ANKRD9: variants seen among roughly 807,000 people sequenced by gnomAD.
ANKRD9 encodes ankyrin repeat domain 9.
Under a neutral mutation model 19.2 loss-of-function variants are expected in ANKRD9, and 13 were observed. That is an observed-to-expected ratio of 0.68 (90% CI 0.44 to 1.08). The LOEUF (loss-of-function observed/expected upper bound fraction) is 1.08. Among genes scored for constraint, ANKRD9 ranks in the 50% least tolerant of loss-of-function variants. The pLI, the probability that ANKRD9 is intolerant of heterozygous loss-of-function variation, is 0.00. For missense variants in ANKRD9, 518 were observed against 499.9 expected, an observed-to-expected ratio of 1.04 and a Z score of -0.34; for synonymous variants, 278 against 256.8, an observed-to-expected ratio of 1.08 and a Z score of -0.79.
rs767115486 is a variant in ANKRD9, at chr14:102,507,861, C to T, written c.29G>A (p.Gly10Asp). The T allele has an allele frequency of 3.7e-5, 43 of 1,178,000 alleles. No homozygotes were observed. The African/African-American group carries it at 6.2e-4, about 17-fold the overall frequency. 73.0% of individuals were successfully genotyped at this position (1,178,000 alleles called of 1,614,324 possible). Residue 10 changes from glycine to aspartate, a missense_variant, in exon 4 of 4, where the codon GGT (glycine) becomes GAT (aspartate). Gly to Asp is a moderately conservative substitution (Grantham distance 94). Transcript: ENST00000286918. This position sits in a 1 kb window ranked among gnomAD's most constrained non-coding sequence, Gnocchi z 9.2. ...GGCCTCGGGCCCGCCGTCCGCGCCA[C>T]CCCCAGGCCGCCGCGCGTCCCACGG... is the stretch of plus-strand genomic sequence containing the variant. MPWDARRPG[G>D]GADGGPEASG...
chr14:102,506,665 TG>T lies in ANKRD9; in HGVS notation c.*270del. 5.2e-6 allele frequency: 2 copies of T among 381,782 alleles called. No homozygotes were observed. The highest frequency in any genetic ancestry group is 9.3e-5 in the Admixed American group (2 of 21,462). The allele number at this position is 381,782 out of a possible 1,614,324, so 23.6% of individuals were successfully genotyped here. On this transcript the variant is annotated 3_prime_UTR_variant, in exon 4 of 4. Transcript: ENST00000286918. Reference sequence around the variant, plus strand: ...CTGCGGCACTCAGCTGTCACCCATCTGGGACGCACACCTGTCCGAGGCTCTA... The same window carrying T: ...CTGCGGCACTCAGCTGTCACCCATCTGGACGCACACCTGTCCGAGGCTCTA...
rs1891492783 is a variant in ANKRD9 at position 102,503,249 on chromosome 14, T to C, written c.*3687A>G. ...TAAATACATAAATAAATAAATTACT[T>C]TTAAGAATCACCAATAGAAATCTGT... On this transcript the variant is annotated 3_prime_UTR_variant, in exon 4 of 4. Coordinates refer to ENST00000286918, the MANE Select transcript of ANKRD9 (RefSeq NM_152326.4). 2 of 151,580 alleles carry C rather than the reference T, an allele frequency of 1.3e-5. 1 individual carries two copies. The highest frequency in any genetic ancestry group is 4.2e-4 in the South Asian group (2 of 4,802). 9.4% of individuals were successfully genotyped at this position (151,580 alleles called of 1,614,324 possible).
chr14:102,504,359 CT>C lies in ANKRD9; in HGVS notation c.*2576del, dbSNP rs1424814889. 2.0e-5 allele frequency: 3 copies of C among 153,728 alleles called. 1 individual carries two copies. Among genetic ancestry groups the C allele is most frequent in the Non-Finnish European group, 4.4e-5 (3 of 68,072 alleles). 9.5% of individuals were successfully genotyped at this position (153,728 alleles called of 1,614,324 possible). On this transcript the variant is annotated 3_prime_UTR_variant, in exon 4 of 4. Coordinates refer to ENST00000286918, the MANE Select transcript of ANKRD9 (RefSeq NM_152326.4). ...GTTTTGTTCTGCGTGGAGCGATTGCCTTTGGGAAGCCACCAAGGCCACCTGC... is the reference window on the plus strand; with the variant it reads ...GTTTTGTTCTGCGTGGAGCGATTGCCTTGGGAAGCCACCAAGGCCACCTGC...
chr14:102,503,138 A>C lies in ANKRD9; in HGVS notation c.*3798T>G. The C allele has an allele frequency of 6.6e-6, 1 of 151,642 alleles. No homozygotes were observed. The highest frequency in any genetic ancestry group is 1.5e-5 in the Non-Finnish European group (1 of 67,916). 9.4% of individuals were successfully genotyped at this position (151,642 alleles called of 1,614,324 possible). On this transcript the variant is annotated 3_prime_UTR_variant, in exon 4 of 4. Transcript: ENST00000286918. ...TGAGGCAGGAGAATCGCTTGAACCC[A>C]GGAGGCGGAAGTTACAGTGAGCTGA... is the stretch of plus-strand genomic sequence containing the variant.
In ANKRD9 at chr14:102,508,124, C is replaced by T. The variant is rs552363485; in HGVS notation, c.-53-182G>A. 5.9e-5 allele frequency among the ~76,000 whole-genome samples: 9 copies of T among 152,292 alleles called. No individual in the cohort carries two copies. The South Asian group carries it at 1.9e-3, about 32-fold the overall frequency. ...TCTCTCCGACGCCCAGAACCACCGC[C>T]TCCATCCTTGATCTAGCTGTACCTG... On this transcript the variant is annotated intron_variant, in intron 3 of 3. Coordinates refer to ENST00000286918, the MANE Select transcript of ANKRD9 (RefSeq NM_152326.4). This position sits in a 1 kb window ranked among gnomAD's most constrained non-coding sequence, Gnocchi z 6.2.
rs542988743 is a variant in ANKRD9 at position 102,502,581 on chromosome 14, G to A, written c.*4355C>T. ...AAAATCATATTTACAAAGTACAATG[G>A]GGGAAATGCTTATACTACATTAAGG... On this transcript the variant is annotated 3_prime_UTR_variant, in exon 4 of 4. Coordinates refer to ENST00000286918, the MANE Select transcript of ANKRD9 (RefSeq NM_152326.4). The A allele has an allele frequency of 6.6e-6, 1 of 152,488 alleles. No individual in the cohort carries two copies. The highest frequency in any genetic ancestry group is 2.4e-5 in the African/African-American group (1 of 41,510). The allele number at this position is 152,488 out of a possible 1,614,324, so 9.4% of individuals were successfully genotyped here.
In ANKRD9 at chr14:102,507,015, G is replaced by T; in HGVS notation, c.875C>A (p.Pro292Gln). The T allele has an allele frequency of 6.3e-7, 1 of 1,584,586 alleles. No individual in the cohort carries two copies. Residue 292 changes from proline (P) to glutamine (Q), a missense_variant, in exon 4 of 4, where the codon CCA (proline) becomes CAA (glutamine). Coordinates refer to ENST00000286918, the MANE Select transcript of ANKRD9 (RefSeq NM_152326.4). The surrounding 1 kb of genome is among the most constrained non-coding windows in gnomAD (Gnocchi z 9.2). ...AMQVLVTAISPGRFPEALDEL... is the reference protein window; with the variant it reads ...AMQVLVTAISQGRFPEALDEL... ...GTCCAGGGCCTCGGGGAAGCGGCCT[G>T]GAGAGATGGCGGTGACCAGCACCTG...
Position 102,507,405 on chromosome 14 carries a change from G to A in ANKRD9, c.485C>T (p.Ser162Leu). ...CGCCAGCTCACAGGCCACGTGCAGC[G>A]ACGTGCCACCGCCCTCCACGCGGCT... ...GCSRVEGGGT[S>L]LHVACELARP... Residue 162 changes from serine (S) to leucine (L), a missense_variant, in exon 4 of 4, where the codon TCG (serine) becomes TTG (leucine). Coordinates refer to ENST00000286918, the MANE Select transcript of ANKRD9 (RefSeq NM_152326.4). This position sits in a 1 kb window ranked among gnomAD's most constrained non-coding sequence, Gnocchi z 9.2. 7.4e-7 allele frequency: 1 copy of A among 1,356,074 alleles called. No homozygotes were observed. The highest frequency in any genetic ancestry group is 9.5e-7 in the Non-Finnish European group (1 of 1,051,778). The allele number at this position is 1,356,074 out of a possible 1,614,324, so 84.0% of individuals were successfully genotyped here. A position where few individuals can be genotyped will look rare whatever the true frequency, so the allele number is the denominator to read the frequency against.
chr14:102,503,319 T>C lies in ANKRD9; in HGVS notation c.*3617A>G, dbSNP rs1333981041. On this transcript the variant is annotated 3_prime_UTR_variant, in exon 4 of 4. Coordinates refer to ENST00000286918, the MANE Select transcript of ANKRD9 (RefSeq NM_152326.4). ...TTTTTTTTGAGATGGAGTCTTGCTC[T>C]GTCGCCCAGGCTGGAGTGCAATGGC... 2.1e-5 allele frequency: 3 copies of C among 142,050 alleles called. No homozygotes were observed. Among genetic ancestry groups the C allele is most frequent in the Non-Finnish European group, 4.5e-5 (3 of 65,944 alleles). 8.8% of individuals were successfully genotyped at this position (142,050 alleles called of 1,614,324 possible).
rs200505562 is a variant in ANKRD9, at chr14:102,507,791, C to T, written c.99G>A (p.Ser33=). ...GCACCGCCTGGTAGAAGGCGAACGA[C>T]GACTTGCGGCACTGCTTCTGCGCTC... ...RSRAQKQCRK[S]SFAFYQAVRD... Residue 33 remains serine, a synonymous_variant, in exon 4 of 4, where the codon TCG becomes TCA. Coordinates refer to ENST00000286918, the MANE Select transcript of ANKRD9 (RefSeq NM_152326.4). This position sits in a 1 kb window ranked among gnomAD's most constrained non-coding sequence, Gnocchi z 9.2. The T allele has an allele frequency of 8.9e-6, 13 of 1,453,168 alleles. No individual in the cohort carries two copies. The South Asian group carries it at 1.4e-4, about 15-fold the overall frequency. The allele number at this position is 1,453,168 out of a possible 1,614,324, so 90.0% of individuals were successfully genotyped here. A position where few individuals can be genotyped will look rare whatever the true frequency, so the allele number is the denominator to read the frequency against.
At position 102,507,488 on chromosome 14, in the gene ANKRD9, G is replaced by C. The variant is rs1317403412; in HGVS notation, c.402C>G (p.Arg134=). Residue 134 remains arginine, a synonymous_variant, in exon 4 of 4, where the codon CGC becomes CGG. Transcript: ENST00000286918. The surrounding 1 kb of genome is among the most constrained non-coding windows in gnomAD (Gnocchi z 9.2). ...CCTCGGCCGGGAAGTCGCGCAAGGT[G>C]CGCAGGATGCGGCGCAGAATGCCCA... ...NRVGILRRIL[R]TLRDFPAEER... is the part of the protein sequence containing the mutation. The C allele has an allele frequency of 4.3e-6, 6 of 1,390,820 alleles. No individual in the cohort carries two copies. Among genetic ancestry groups the C allele is most frequent in the African/African-American group, 1.5e-5 (1 of 65,162 alleles). 86.2% of individuals were successfully genotyped at this position (1,390,820 alleles called of 1,614,324 possible). A position where few individuals can be genotyped will look rare whatever the true frequency, so the allele number is the denominator to read the frequency against.
rs1891669752 is a variant in ANKRD9 at position 102,507,960 on chromosome 14, G to A, written c.-53-18C>T. 11 of 1,090,436 alleles carry A rather than the reference G, an allele frequency of 1.0e-5. No homozygotes were observed. Among genetic ancestry groups the A allele is most frequent in the Non-Finnish European group, 1.2e-5 (11 of 888,228 alleles). The allele number at this position is 1,090,436 out of a possible 1,614,324, so 67.5% of individuals were successfully genotyped here. A position where few individuals can be genotyped will look rare whatever the true frequency, so the allele number is the denominator to read the frequency against. ...AGGCACACCTGCGGGGAAAGGAAGA[G>A]GCCACGGTGAGGCGCGGGGAAACTG... On this transcript the variant is annotated intron_variant, in intron 3 of 3. Coordinates refer to ENST00000286918, the MANE Select transcript of ANKRD9 (RefSeq NM_152326.4). This position sits in a 1 kb window ranked among gnomAD's most constrained non-coding sequence, Gnocchi z 9.2.
In ANKRD9 at chr14:102,507,501, C is replaced by A. The variant is rs1177830493; in HGVS notation, c.389G>T (p.Arg130Leu). 31 of 1,374,906 alleles carry A rather than the reference C, an allele frequency of 2.3e-5. No homozygotes were observed. The East Asian group carries it at 1.0e-3, about 46-fold the overall frequency. The allele number at this position is 1,374,906 out of a possible 1,614,324, so 85.2% of individuals were successfully genotyped here. ...AVRYNRVGIL[R>L]RILRTLRDFP... ...GTCGCGCAAGGTGCGCAGGATGCGG[C>A]GCAGAATGCCCACGCGGTTGTAGCG... Residue 130 changes from arginine to leucine, a missense_variant, in exon 4 of 4, where the codon CGC becomes CTC. Transcript: ENST00000286918. This position sits in a 1 kb window ranked among gnomAD's most constrained non-coding sequence, Gnocchi z 9.2.
chr14:102,509,210 C>A, intron 1 of ANKRD9: 1 of 152,410 alleles, frequency 6.6e-6, no homozygotes, highest in Non-Finnish European at 1.5e-5. Flanking sequence ...CCCAGATATG[C>A]CCTGTGCCGG....
At position 102,506,898 on chromosome 14, in the gene ANKRD9, G is replaced by A. The variant is rs756676469; in HGVS notation, c.*38C>T. The A allele has an allele frequency of 7.0e-7, 1 of 1,427,358 alleles. No individual in the cohort carries two copies. Among genetic ancestry groups the A allele is most frequent in the Non-Finnish European group, 9.2e-7 (1 of 1,089,636 alleles). 88.4% of individuals were successfully genotyped at this position (1,427,358 alleles called of 1,614,324 possible). On this transcript the variant is annotated 3_prime_UTR_variant, in exon 4 of 4. Transcript: ENST00000286918. The stretch of plus-strand genomic sequence containing the variant: ...TGCCGGTACAACGCTCTGAAAAATA[G>A]TTTTGTCCCAAAATCCAGCGCCTAG...
Position 102,507,855 on chromosome 14 carries a change from G to A in ANKRD9, c.35C>T (p.Ala12Val), listed in dbSNP as rs1162003638. Residue 12 changes from alanine (A) to valine (V), a missense_variant, in exon 4 of 4, where the codon GCG becomes GTG. Coordinates refer to ENST00000286918, the MANE Select transcript of ANKRD9 (RefSeq NM_152326.4). The surrounding 1 kb of genome is among the most constrained non-coding windows in gnomAD (Gnocchi z 9.2). Reference sequence around the variant, plus strand: ...GCCCGAGGCCTCGGGCCCGCCGTCCGCGCCACCCCCAGGCCGCCGCGCGTC... The same window carrying A: ...GCCCGAGGCCTCGGGCCCGCCGTCCACGCCACCCCCAGGCCGCCGCGCGTC... Reference protein sequence around the residue: ...PWDARRPGGGADGGPEASGAA... With the variant: ...PWDARRPGGGVDGGPEASGAA... 2.1e-5 allele frequency: 25 copies of A among 1,213,798 alleles called. No individual in the cohort carries two copies. Among genetic ancestry groups the A allele is most frequent in the Non-Finnish European group, 2.1e-6 (2 of 964,926 alleles). The allele number at this position is 1,213,798 out of a possible 1,614,324, so 75.2% of individuals were successfully genotyped here.
At position 102,507,485 on chromosome 14, in the gene ANKRD9, G is replaced by C. The variant is rs1235708742; in HGVS notation, c.405C>G (p.Thr135=). 2.4e-5 allele frequency: 33 copies of C among 1,392,976 alleles called. No homozygotes were observed. Among genetic ancestry groups the C allele is most frequent in the Non-Finnish European group, 2.9e-5 (31 of 1,070,966 alleles). 86.3% of individuals were successfully genotyped at this position (1,392,976 alleles called of 1,614,324 possible). The change falls in exon 4 of 4, where the codon ACC becomes ACG. Residue 135 remains threonine, a synonymous_variant. Coordinates refer to ENST00000286918, the MANE Select transcript of ANKRD9 (RefSeq NM_152326.4). This position sits in a 1 kb window ranked among gnomAD's most constrained non-coding sequence, Gnocchi z 9.2. ...RVGILRRILR[T]LRDFPAEERA... is the part of the protein sequence containing the mutation. Reference sequence around the variant, plus strand: ...GCTCCTCGGCCGGGAAGTCGCGCAAGGTGCGCAGGATGCGGCGCAGAATGC... The same window carrying C: ...GCTCCTCGGCCGGGAAGTCGCGCAACGTGCGCAGGATGCGGCGCAGAATGC...
Position 102,507,002 on chromosome 14 carries a change from G to A in ANKRD9, c.888C>T (p.Pro296=), listed in dbSNP as rs756488482. 6.3e-7 allele frequency: 1 copy of A among 1,578,006 alleles called. No individual in the cohort carries two copies. Among genetic ancestry groups the A allele is most frequent in the Non-Finnish European group, 8.6e-7 (1 of 1,165,174 alleles). The change falls in exon 4 of 4, where the codon CCC becomes CCT. Residue 296 remains proline (P), a synonymous_variant. Coordinates refer to ENST00000286918, the MANE Select transcript of ANKRD9 (RefSeq NM_152326.4). This position sits in a 1 kb window ranked among gnomAD's most constrained non-coding sequence, Gnocchi z 9.2. ...GCAGCGGCAGCTCGTCCAGGGCCTC[G>A]GGGAAGCGGCCTGGAGAGATGGCGG... The part of the protein sequence containing the change: ...LVTAISPGRF[P]EALDELPLPP...
Position 102,506,972 on chromosome 14 carries a change from T to C in ANKRD9, c.918A>G (p.Pro306=), listed in dbSNP as rs1378350105. 4.5e-6 allele frequency: 7 copies of C among 1,561,968 alleles called. No homozygotes were observed. Among genetic ancestry groups the C allele is most frequent in the Non-Finnish European group, 5.2e-6 (6 of 1,153,904 alleles). The change falls in exon 4 of 4, where the codon CCA becomes CCG. Residue 306 remains proline, a synonymous_variant. Coordinates refer to ENST00000286918, the MANE Select transcript of ANKRD9 (RefSeq NM_152326.4). ...PEALDELPLP[P]FLQPLDLTGK... The stretch of plus-strand genomic sequence containing the variant: ...CAGTGAGGTCCAACGGCTGCAGGAA[T>C]GGGGGCAGCGGCAGCTCGTCCAGGG...
Sources: gnomAD v4.1 joint callset for allele counts (sites outside exome capture counted in the v4.1 genomes callset) on GRCh38, gnomAD v4.1.1 for gene constraint, Gnocchi (gnomAD v3.1) non-coding constraint, MANE v1.5 for transcripts, NCBI Gene and HGNC (gene_info 2026-07-23, HGNC 2026-07-21) for gene names.